The following GALNT18 variants were observed in gnomAD, a reference collection of about 807,000 sequenced individuals.
GALNT18 encodes polypeptide N-acetylgalactosaminyltransferase 18.
GALNT18 carries 44 observed loss-of-function variants against 69.5 expected under a neutral mutation model. The ratio of observed to expected loss-of-function variants is 0.63; its 90% CI spans 0.50 to 0.81. The LOEUF (loss-of-function observed/expected upper bound fraction) is 0.81, where lower values mean the gene tolerates loss of function less well. GALNT18 is among the 40% of genes least tolerant of loss of function. The probability of loss-of-function intolerance (pLI) is 0.00; values close to 1 mark genes in which losing one functional copy is unlikely to be tolerated. For synonymous variants in GALNT18, 364 were observed against 318.2 expected, an observed-to-expected ratio of 1.14 and a Z score of -1.53; for missense variants, 715 against 810.0, an observed-to-expected ratio of 0.88 and a Z score of 1.42.
rs143076025 is a variant in GALNT18, at chr11:11,531,876, C to T, written c.236-82940G>A. Among the ~76,000 whole-genome samples the T allele has an allele frequency of 3.9e-5, 6 of 152,298 alleles. No individual in the cohort carries two copies. In the East Asian group the frequency reaches 1.2e-3, roughly 29 times the overall value. On this transcript the variant is annotated intron_variant, in intron 1 of 10. Transcript: ENST00000227756. ...TGGGTATATTCTGCTTCGGGCCAGG[C>T]CCCTTCTGATAGGTGAGGATGTGTA...
intron 10 of GALNT18, among the ~76,000 whole-genome samples, chr11:11,289,291 C>T (rs1196598507): frequency 6.6e-6 from 1 of 152,162 alleles, no homozygotes; most frequent in East Asian, 1.9e-4. Context: ...GGTCTGAAAA[C>T]TAGGAATTCA....
At chr11:11,556,406 A>T (rs963342282) in intron 1 of GALNT18, among the ~76,000 whole-genome samples, 3 of 152,274 alleles carry the variant, frequency 2.0e-5, no homozygotes, top group Non-Finnish European at 2.9e-5. Flanking sequence ...TAAGTCGCCA[A>T]CATGGCACCG....
chr11:11,426,637 T>TAGG (rs1353567460), intron 3 of GALNT18, among the ~76,000 whole-genome samples: 1 of 151,918 alleles, frequency 6.6e-6, no homozygotes, highest in Non-Finnish European at 1.5e-5. Context: ...TGCAAATAAT[T>TAGG]AGGAGAGAGT....
intron 3 of GALNT18, among the ~76,000 whole-genome samples, chr11:11,409,598 C>A (rs1854681020): frequency 6.6e-6 from 1 of 151,230 alleles, no homozygotes; most frequent in South Asian, 2.1e-4. Context: ...TCTCTGCCCA[C>A]CCCCACCCCA....
chr11:11,594,921 GTGTATA>G (rs1419947257), intron 1 of GALNT18, among the ~76,000 whole-genome samples: 1 of 147,128 alleles, frequency 6.8e-6, no homozygotes, highest in Non-Finnish European at 1.5e-5. Context: ...ATATGCGTGT[GTGTATA>G]TATATATATA....
intron 8 of GALNT18, among the ~76,000 whole-genome samples, chr11:11,328,351 G>C (rs1376961522): frequency 2.0e-5 from 3 of 152,094 alleles, no homozygotes; most frequent in Non-Finnish European, 2.9e-5. Context: ...CTAGAACAGG[G>C]GACTGGAGAT....
chr11:11,582,466 G>C lies in GALNT18; in HGVS notation c.235+38893C>G, dbSNP rs1013692270. ...AATGAGTGACTGTCTCACTTGCTTG[G>C]ACCACTGGAATAGGAGCAGAAGTGA... On this transcript the variant is annotated intron_variant, in intron 1 of 10. Transcript: ENST00000227756. This position sits in a 1 kb window ranked among gnomAD's most constrained non-coding sequence, Gnocchi z 5.0. Among the ~76,000 whole-genome samples the C allele has an allele frequency of 6.6e-6, 1 of 152,206 alleles. No homozygotes were observed. The highest frequency in any genetic ancestry group is 1.5e-5 in the Non-Finnish European group (1 of 68,034).
Position 11,436,338 on chromosome 11 carries a change from C to A in GALNT18, c.429-3551G>T, listed in dbSNP as rs1164989260. 1.3e-5 allele frequency among the ~76,000 whole-genome samples: 2 copies of A among 152,198 alleles called. No individual in the cohort carries two copies. The highest frequency in any genetic ancestry group is 2.9e-5 in the Non-Finnish European group (2 of 68,048). On this transcript the variant is annotated intron_variant, in intron 2 of 10. Coordinates refer to ENST00000227756, the MANE Select transcript of GALNT18 (RefSeq NM_198516.3). The surrounding 1 kb of genome is among the most constrained non-coding windows in gnomAD (Gnocchi z 4.5). ...TCTTACGTTTTCCAACTTCCCCTCC[C>A]TCCCAACCCACAAATGCCACAGGAC...
intron 6 of GALNT18, among the ~76,000 whole-genome samples, chr11:11,345,138 G>A (rs971231304): frequency 6.6e-6 from 1 of 152,224 alleles, no homozygotes; most frequent in African/African-American, 2.4e-5. Flanking sequence ...GAGACAGGGA[G>A]CACTGGTCAA....
At chr11:11,566,877 T>C (rs1324378154) in intron 1 of GALNT18, among the ~76,000 whole-genome samples, 2 of 152,224 alleles carry the variant, frequency 1.3e-5, no homozygotes, top group East Asian at 1.9e-4. Flanking sequence ...GCAGAGTGGA[T>C]GTGAGTACAT....
Position 11,281,197 on chromosome 11 carries a change from G to A in GALNT18, c.1678-9907C>T, listed in dbSNP as rs1849067280. Among the ~76,000 whole-genome samples, 4 of 152,162 alleles carry A rather than the reference G, an allele frequency of 2.6e-5. No homozygotes were observed. The South Asian group carries it at 6.2e-4, about 24-fold the overall frequency. ...CTGTTGGCGTTTCCGGAGCCAGGTA[G>A]AAAGGGAAGAGTGCTGAGCTAGGAT... On this transcript the variant is annotated intron_variant, in intron 10 of 10. Coordinates refer to ENST00000227756, the MANE Select transcript of GALNT18 (RefSeq NM_198516.3).
chr11:11,312,308 G>A (rs920597369), intron 9 of GALNT18, among the ~76,000 whole-genome samples: 1 of 152,180 alleles, frequency 6.6e-6, no homozygotes, highest in Non-Finnish European at 1.5e-5. Flanking sequence ...TTGACCAGAA[G>A]CCTTATGGAT....
At chr11:11,578,770 C>A (rs557791629) in intron 1 of GALNT18, among the ~76,000 whole-genome samples, 8 of 152,344 alleles carry the variant, frequency 5.3e-5, no homozygotes, top group African/African-American at 1.7e-4. Flanking sequence ...GGGACTCCTG[C>A]TGCATTAGCA....
intron 3 of GALNT18, among the ~76,000 whole-genome samples, chr11:11,381,184 G>A (rs1010661517): frequency 2.6e-5 from 4 of 152,196 alleles, no homozygotes; most frequent in Non-Finnish European, 5.9e-5. Context: ...CCGTTGCCAG[G>A]AGGCTTCTTA....
chr11:11,611,486 T>C (rs1859898818), intron 1 of GALNT18, among the ~76,000 whole-genome samples: 1 of 152,120 alleles, frequency 6.6e-6, no homozygotes, highest in African/African-American at 2.4e-5. Flanking sequence ...TGCGGCACCA[T>C]CAGAAAGGCT....
chr11:11,423,531 C>T (rs1218272459), intron 3 of GALNT18, among the ~76,000 whole-genome samples: 1 of 152,190 alleles, frequency 6.6e-6, no homozygotes, highest in African/African-American at 2.4e-5. Flanking sequence ...CTTACTGAAA[C>T]CCCAGGCAAA....
chr11:11,276,846 G>T (rs12787493), intron 10 of GALNT18, among the ~76,000 whole-genome samples: 53,172 of 151,862 alleles, frequency 0.35, 10,282 homozygotes, highest in Non-Finnish European at 0.45. Flanking sequence ...CAGCCTCGCA[G>T]CCCAGGGATG....
chr11:11,579,638 C>T (rs954993787), intron 1 of GALNT18, among the ~76,000 whole-genome samples: 13 of 152,122 alleles, frequency 8.5e-5, no homozygotes, highest in Non-Finnish European at 1.9e-4. Context: ...ACACCTGGAG[C>T]TCCTTGTGAG....
intron 1 of GALNT18, among the ~76,000 whole-genome samples, chr11:11,458,540 A>G (rs755960133): frequency 9.9e-5 from 15 of 152,226 alleles, no homozygotes; most frequent in Non-Finnish European, 1.0e-4. Flanking sequence ...GCTGACTTCC[A>G]ATGATGAGAA....
Sources: allele counts gnomAD v4.1 joint callset (sites outside exome capture counted in the v4.1 genomes callset), GRCh38; gene constraint gnomAD v4.1.1; non-coding constraint Gnocchi (gnomAD v3.1); transcripts MANE v1.5; gene names NCBI Gene and HGNC (gene_info 2026-07-23, HGNC 2026-07-21).